The following USP32 variants were observed in gnomAD, a reference collection of about 807,000 sequenced individuals.
The protein encoded by USP32 is ubiquitin carboxyl-terminal hydrolase 32.
Under a neutral mutation model 204.8 loss-of-function variants are expected in USP32, and 59 were observed. The observed-to-expected ratio is 0.29, with a 90% confidence interval of 0.23 to 0.36. USP32 has a LOEUF of 0.36. Among genes scored for constraint, USP32 ranks in the 10% least tolerant of loss-of-function variants. The pLI is 1.00. For missense variants in USP32, 1,160 were observed against 1,946.4 expected (o/e 0.60, Z 7.60); for synonymous variants, 517 against 678.4 (o/e 0.76, Z 3.70).
chr17:60,324,731 G>A (rs1230252505), intron 2 of USP32, among the ~76,000 whole-genome samples: 2 of 152,176 alleles, frequency 1.3e-5, no homozygotes, highest in Non-Finnish European at 2.9e-5. Flanking sequence ...GGCCAGGCAT[G>A]GTGGCTCACA....
intron 12 of USP32, among the ~76,000 whole-genome samples, chr17:60,228,826 TTTTG>T (rs2085469000): frequency 6.7e-6 from 1 of 149,364 alleles, no homozygotes; most frequent in African/African-American, 2.5e-5. Flanking sequence ...TCTTTGTTTT[TTTTG>T]TTTTTGTTTT....
intron 2 of USP32, among the ~76,000 whole-genome samples, chr17:60,314,043 A>C (rs1166561203): frequency 6.6e-6 from 1 of 151,252 alleles, no homozygotes; most frequent in African/African-American, 2.4e-5. Context: ...AAATAAAAAC[A>C]TGGAAATAGA....
At chr17:60,306,134 A>T (rs2087716943) in intron 2 of USP32, among the ~76,000 whole-genome samples, 1 of 152,236 alleles carries the variant, frequency 6.6e-6, no homozygotes, top group African/African-American at 2.4e-5. Flanking sequence ...TCACCTTATA[A>T]TAGGCAGTCC....
chr17:60,354,566 G>A (rs985368740), intron 1 of USP32, among the ~76,000 whole-genome samples: 2 of 152,154 alleles, frequency 1.3e-5, no homozygotes, highest in African/African-American at 4.8e-5. Context: ...CAGCTGATCT[G>A]AAGTAAATTA....
At chr17:60,414,101 G>A (rs1270659226) in intron 1 of USP32, among the ~76,000 whole-genome samples, 3 of 151,956 alleles carry the variant, frequency 2.0e-5, no homozygotes, top group Non-Finnish European at 2.9e-5. Context: ...GGTGGCTCAC[G>A]CCTATAATCC....
chr17:60,356,255 G>A (rs1190538578), intron 1 of USP32, among the ~76,000 whole-genome samples: 1 of 152,068 alleles, frequency 6.6e-6, no homozygotes. Context: ...GCTAACAAGA[G>A]GTTAACCAAA....
chr17:60,339,497 T>C (rs889562948), intron 2 of USP32, among the ~76,000 whole-genome samples: 1 of 150,336 alleles, frequency 6.7e-6, no homozygotes, highest in Non-Finnish European at 1.5e-5. Flanking sequence ...GCAGGAGAAT[T>C]GCTTGAAACT....
chr17:60,417,453 ATT>A (rs746989259), intron 1 of USP32, among the ~76,000 whole-genome samples: 8 of 137,952 alleles, frequency 5.8e-5, no homozygotes, highest in Non-Finnish European at 4.8e-5. Context: ...CTGATTTTTA[ATT>A]TTTTTTTTTT....
chr17:60,270,800 G>GC (rs1292310534), intron 6 of USP32, among the ~76,000 whole-genome samples: 1 of 146,516 alleles, frequency 6.8e-6, no homozygotes, highest in Non-Finnish European at 1.5e-5. Context: ...TCCAGCCTGG[G>GC]CAACAAGAGC....
chr17:60,359,745 A>G (rs1041616861), intron 1 of USP32, among the ~76,000 whole-genome samples: 1 of 152,182 alleles, frequency 6.6e-6, no homozygotes, highest in Admixed American at 6.6e-5. Context: ...CCAGGATTGG[A>G]GACTGCAGTG....
chr17:60,422,004 C>A lies in USP32; in HGVS notation c.106+242G>T. The A allele has an allele frequency of 3.2e-6, 3 of 925,376 alleles. No homozygotes were observed. The South Asian group carries it at 1.5e-4, about 46-fold the overall frequency. 57.3% of individuals were successfully genotyped at this position (925,376 alleles called of 1,614,324 possible). A position where few individuals can be genotyped will look rare whatever the true frequency, so the allele number is the denominator to read the frequency against. ...TTATACACCCCCAAAACACACACAT[C>A]CCACCCAGTACCCAGCACCCAGCAC... On this transcript the variant is annotated intron_variant, in intron 1 of 3. Transcript: ENST00000588898.
chr17:60,186,135 C>T (rs1285870033), intron 29 of USP32, among the ~76,000 whole-genome samples: 6 of 152,128 alleles, frequency 3.9e-5, no homozygotes, highest in Non-Finnish European at 8.8e-5. Context: ...AATGTTACAT[C>T]GGTAACATTC....
At chr17:60,208,611 A>C in intron 23 of USP32, 43 bp downstream of exon 23, 1 of 1,456,940 alleles carries the variant, frequency 6.9e-7, no homozygotes, top group Non-Finnish European at 9.1e-7. Flanking sequence ...AAATAAAGTA[A>C]ATTTAATGGA....
chr17:60,251,274 TA>T (rs886940279), intron 11 of USP32, among the ~76,000 whole-genome samples: 38 of 149,270 alleles, frequency 2.5e-4, no homozygotes, highest in African/African-American at 5.6e-4. Flanking sequence ...TGCCTTCACT[TA>T]AAAAAAAAAT....
intron 29 of USP32, among the ~76,000 whole-genome samples, chr17:60,188,796 C>T (rs1017958833): frequency 2.6e-4 from 39 of 152,214 alleles, no homozygotes; most frequent in Non-Finnish European, 5.1e-4. Flanking sequence ...ATTTAAACCA[C>T]GGTATCTCTT....
chr17:60,193,915 G>A (rs1342301344), intron 27 of USP32, among the ~76,000 whole-genome samples: 1 of 152,152 alleles, frequency 6.6e-6, no homozygotes, highest in African/African-American at 2.4e-5. Flanking sequence ...GAAAGATAAC[G>A]GGATAAAACA....
intron 9 of USP32, among the ~76,000 whole-genome samples, chr17:60,259,330 T>C (rs974381207): frequency 3.3e-5 from 5 of 152,202 alleles, no homozygotes; most frequent in African/African-American, 1.2e-4. Flanking sequence ...ATATAGCATA[T>C]ATGCCCTTTT....
intron 9 of USP32, among the ~76,000 whole-genome samples, chr17:60,260,940 T>G (rs564527152): frequency 6.6e-6 from 1 of 152,150 alleles, no homozygotes; most frequent in East Asian, 1.9e-4. Flanking sequence ...TGCCACATCA[T>G]GTATCTCAGT....
At chr17:60,238,370 TAA>T (rs759310169) in intron 11 of USP32, among the ~76,000 whole-genome samples, 3 of 152,108 alleles carry the variant, frequency 2.0e-5, no homozygotes, top group Non-Finnish European at 2.9e-5. Flanking sequence ...TCTTGATGTA[TAA>T]AAGTTTTAAG....
Sources: allele counts gnomAD v4.1 joint callset (sites outside exome capture counted in the v4.1 genomes callset), GRCh38; gene constraint gnomAD v4.1.1; transcripts MANE v1.5; gene names NCBI Gene and HGNC (gene_info 2026-07-23, HGNC 2026-07-21).